Variants in RTN4RL1 observed in about 807,000 individuals in gnomAD.
RTN4RL1 encodes reticulon-4 receptor-like 1.
Under a neutral mutation model 25.6 loss-of-function variants are expected in RTN4RL1, and 7 were observed. That is an observed-to-expected ratio of 0.27 (90% CI 0.16 to 0.51). The LOEUF (loss-of-function observed/expected upper bound fraction) is 0.51, where lower values mean the gene tolerates loss of function less well. Ranked by LOEUF, RTN4RL1 falls within the 20% of genes least tolerant of loss-of-function variation. The pLI is 0.97. For synonymous variants in RTN4RL1, 297 were observed against 288.2 expected (o/e 1.03, Z -0.31); for missense variants, 500 against 615.6 (o/e 0.81, Z 1.99).
chr17:1,976,424 A>G (rs1413211890), intron 1 of RTN4RL1, among the ~76,000 whole-genome samples: 1 of 152,222 alleles, frequency 6.6e-6, no homozygotes, highest in African/African-American at 2.4e-5. Flanking sequence ...GTTTGCTAAG[A>G]ATGAAAGGAT....
chr17:1,961,149 G>C (rs1303370928), intron 1 of RTN4RL1, among the ~76,000 whole-genome samples: 1 of 152,300 alleles, frequency 6.6e-6, no homozygotes, highest in South Asian at 2.1e-4. Flanking sequence ...TGAATGAGCC[G>C]GTTCACTATC....
chr17:2,012,740 C>T (rs4458034), intron 1 of RTN4RL1, among the ~76,000 whole-genome samples: 50,129 of 151,548 alleles, frequency 0.33, 8,568 homozygotes, highest in East Asian at 0.55. Context: ...CAACTCAAGT[C>T]TACTGATCCA....
At chr17:1,964,187 C>T (rs927794941) in intron 1 of RTN4RL1, among the ~76,000 whole-genome samples, 1 of 152,186 alleles carries the variant, frequency 6.6e-6, no homozygotes, top group Non-Finnish European at 1.5e-5. Context: ...AATGTGCTCA[C>T]TTCAAAGACT....
intron 1 of RTN4RL1, among the ~76,000 whole-genome samples, chr17:2,024,051 C>T (rs893962833): frequency 6.6e-6 from 1 of 152,134 alleles, no homozygotes; most frequent in Non-Finnish European, 1.5e-5. Context: ...CCTCCCAGGG[C>T]CCGGGGGACG....
rs554997357 is a variant in RTN4RL1 at position 1,950,825 on chromosome 17, G to A, written c.14-13017C>T. 1.1e-3 allele frequency among the ~76,000 whole-genome samples: 124 copies of A among 110,710 alleles called. 1 individual carries two copies. Among genetic ancestry groups the A allele is most frequent in the Non-Finnish European group, 1.2e-3 (76 of 60,810 alleles). 72.6% of individuals were successfully genotyped at this position (110,710 alleles called of 152,430 possible). On this transcript the variant is annotated intron_variant, in intron 1 of 1. Transcript: ENST00000331238. Reference sequence around the variant, plus strand: ...CACACCCCCGCACTCCAACCTGGGCGACAGAGTGAGACACAGTCTCCAAAA... The same window carrying A: ...CACACCCCCGCACTCCAACCTGGGCAACAGAGTGAGACACAGTCTCCAAAA...
chr17:1,967,388 C>T (rs1276877839), intron 1 of RTN4RL1, among the ~76,000 whole-genome samples: 1 of 152,140 alleles, frequency 6.6e-6, no homozygotes, highest in Non-Finnish European at 1.5e-5. Flanking sequence ...CTCCCCGCCC[C>T]CGCTACCCAC....
At chr17:1,960,918 T>G (rs1330236644) in intron 1 of RTN4RL1, among the ~76,000 whole-genome samples, 1 of 152,098 alleles carries the variant, frequency 6.6e-6, no homozygotes, top group Non-Finnish European at 1.5e-5. Context: ...CACCTCCCTG[T>G]CTCCAGCCGA....
At chr17:1,990,023 C>A (rs2066902664) in intron 1 of RTN4RL1, among the ~76,000 whole-genome samples, 1 of 152,030 alleles carries the variant, frequency 6.6e-6, no homozygotes, top group African/African-American at 2.4e-5. Context: ...GTGCTTAATG[C>A]CACAGAACTG....
chr17:2,010,466 G>A (rs541138308), intron 1 of RTN4RL1, among the ~76,000 whole-genome samples: 1 of 152,154 alleles, frequency 6.6e-6, no homozygotes, highest in East Asian at 1.9e-4. Flanking sequence ...TAGCGAGCAA[G>A]ACTCTGTCTC....
chr17:1,937,690 G>A lies in RTN4RL1; in HGVS notation c.132C>T (p.Asn44=), dbSNP rs766482775. The A allele has an allele frequency of 1.2e-6, 2 of 1,613,492 alleles. No individual in the cohort carries two copies. The highest frequency in any genetic ancestry group is 1.1e-5 in the South Asian group (1 of 91,074). ...APMTVSCQAH[N]FAAIPEGIPV... ...GGATGCCCTCCGGGATGGCTGCAAA[G>A]TTGTGCGCCTGGCAGCTGACCGTCA... Residue 44 remains asparagine, a synonymous_variant, in exon 2 of 2, where the codon AAC becomes AAT. Coordinates refer to ENST00000331238, the MANE Select transcript of RTN4RL1 (RefSeq NM_178568.4).
chr17:1,958,902 T>C (rs1439406623), intron 1 of RTN4RL1, among the ~76,000 whole-genome samples: 1 of 152,248 alleles, frequency 6.6e-6, no homozygotes, highest in Non-Finnish European at 1.5e-5. Context: ...AGTCAAAATA[T>C]ATCAAATTTC....
chr17:1,943,555 C>CCTGGCAGA (rs1411836920), intron 1 of RTN4RL1, among the ~76,000 whole-genome samples: 2 of 152,226 alleles, frequency 1.3e-5, no homozygotes, highest in African/African-American at 4.8e-5. Flanking sequence ...CTTTCCCAGT[C>CCTGGCAGA]CTGGCAGATT....
At chr17:1,982,487 C>T (rs1009966179) in intron 1 of RTN4RL1, among the ~76,000 whole-genome samples, 4 of 151,336 alleles carry the variant, frequency 2.6e-5, no homozygotes, top group South Asian at 2.1e-4. Context: ...TGGTGGCGGG[C>T]GCCTGTAGTC....
chr17:1,957,349 C>T (rs1354271803), intron 1 of RTN4RL1, among the ~76,000 whole-genome samples: 1 of 152,122 alleles, frequency 6.6e-6, no homozygotes, highest in Non-Finnish European at 1.5e-5. Flanking sequence ...CTATGTAAAA[C>T]AGACCAGGCC....
At chr17:1,983,936 C>T (rs1313823182) in intron 1 of RTN4RL1, among the ~76,000 whole-genome samples, 5 of 152,152 alleles carry the variant, frequency 3.3e-5, no homozygotes, top group Non-Finnish European at 5.9e-5. Flanking sequence ...TGCTCCCTCC[C>T]GGCTGGGACA....
chr17:2,017,082 GA>G (rs2067133823), intron 1 of RTN4RL1, among the ~76,000 whole-genome samples: 1 of 152,180 alleles, frequency 6.6e-6, no homozygotes, highest in African/African-American at 2.4e-5. Context: ...ATGGTCAGAA[GA>G]ATGCCAATTT....
chr17:1,958,864 C>T (rs1284135305), intron 1 of RTN4RL1, among the ~76,000 whole-genome samples: 1 of 152,252 alleles, frequency 6.6e-6, no homozygotes, highest in East Asian at 1.9e-4. Flanking sequence ...ATAAAATTGT[C>T]TGCAGTTTTC....
intron 1 of RTN4RL1, among the ~76,000 whole-genome samples, chr17:2,009,505 T>C (rs1168875483): frequency 8.2e-6 from 1 of 121,762 alleles, no homozygotes; most frequent in Non-Finnish European, 1.7e-5. Context: ...GGTAGGAGAA[T>C]TGCTTGAAGC....
chr17:1,997,946 G>T (rs1412820621), intron 1 of RTN4RL1, among the ~76,000 whole-genome samples: 2 of 152,202 alleles, frequency 1.3e-5, no homozygotes, highest in Admixed American at 1.3e-4. Context: ...TGGGGAAAGC[G>T]TGGGCGCAGG....
Sources: gnomAD v4.1 joint callset for allele counts (sites outside exome capture counted in the v4.1 genomes callset) on GRCh38, gnomAD v4.1.1 for gene constraint, MANE v1.5 for transcripts, NCBI Gene and HGNC (gene_info 2026-07-23, HGNC 2026-07-21) for gene names.